MACROD1: variants seen among roughly 807,000 people sequenced by gnomAD.
MACROD1 encodes ADP-ribose glycohydrolase MACROD1.
In MACROD1, 31 loss-of-function variants were observed where a neutral mutation model predicts 41.4. That is an observed-to-expected ratio of 0.75 (90% CI 0.56 to 1.01). The LOEUF is 1.01. MACROD1 is among the 50% of genes least tolerant of loss of function. MACROD1 has a pLI of 0.00. For synonymous variants in MACROD1, 252 were observed against 203.4 expected (o/e 1.24, Z -2.03); for missense variants, 473 against 460.0 (o/e 1.03, Z -0.26).
intron 3 of MACROD1, among the ~76,000 whole-genome samples, chr11:64,016,148 C>CA (rs35361842): frequency 0.3 from 45,762 of 152,134 alleles, 8,001 homozygotes; most frequent in Non-Finnish European, 0.4. Context: ...CTGTCTGTCT[C>CA]AGTCTGTCCG....
At chr11:64,113,658 G>A (rs181304363) in intron 3 of MACROD1, among the ~76,000 whole-genome samples, 2 of 149,682 alleles carry the variant, frequency 1.3e-5, no homozygotes, top group East Asian at 4.0e-4. Context: ...TGGGCAGACA[G>A]GTGGATGCAT....
chr11:64,143,394 G>A (rs919494431), intron 3 of MACROD1, among the ~76,000 whole-genome samples: 4 of 152,096 alleles, frequency 2.6e-5, no homozygotes, highest in African/African-American at 4.8e-5. Context: ...CGTGTGCAGC[G>A]TGTTGAGCAG....
intron 3 of MACROD1, among the ~76,000 whole-genome samples, chr11:64,068,253 C>G (rs1944041677): frequency 6.6e-6 from 1 of 152,222 alleles, no homozygotes; most frequent in South Asian, 2.1e-4. Context: ...CCCCTTCAGT[C>G]CCAGGCATTG....
intron 3 of MACROD1, among the ~76,000 whole-genome samples, chr11:64,140,734 C>A (rs976894429): frequency 6.6e-6 from 1 of 152,238 alleles, no homozygotes; most frequent in African/African-American, 2.4e-5. Context: ...CCCTGTTTTA[C>A]AGACAAGAAA....
intron 4 of MACROD1, among the ~76,000 whole-genome samples, chr11:64,006,734 C>T (rs1942919351): frequency 1.3e-5 from 2 of 152,188 alleles, no homozygotes; most frequent in African/African-American, 4.8e-5. Context: ...GTCCCAGCCT[C>T]CCTCTTACAC....
chr11:64,060,146 G>C (rs1305136027), intron 3 of MACROD1, among the ~76,000 whole-genome samples: 1 of 152,274 alleles, frequency 6.6e-6, no homozygotes, highest in Non-Finnish European at 1.5e-5. Flanking sequence ...GTTCTGTCAA[G>C]TGAATGAATA....
chr11:64,001,480 CCTT>C (rs1268451034), intron 4 of MACROD1: 2 of 702,456 alleles, frequency 2.8e-6, no homozygotes, highest in Non-Finnish European at 5.2e-6. Context: ...GCCACCTTCT[CCTT>C]CATCACCTCA....
At position 64,101,607 on chromosome 11, in the gene MACROD1, C is replaced by G. The variant is rs1455111362; in HGVS notation, c.517+49632G>C. Among the ~76,000 whole-genome samples, 10 of 152,300 alleles carry G rather than the reference C, an allele frequency of 6.6e-5. No individual in the cohort carries two copies. The East Asian group carries it at 1.9e-3, about 29-fold the overall frequency. ...TGACCTCACTGGACTTTTTCCATCTCTCGCTTTCATGGAGAAATTACAATT... is the reference window on the plus strand; with the variant it reads ...TGACCTCACTGGACTTTTTCCATCTGTCGCTTTCATGGAGAAATTACAATT... On this transcript the variant is annotated intron_variant, in intron 3 of 10. Coordinates refer to ENST00000255681, the MANE Select transcript of MACROD1 (RefSeq NM_014067.4).
intron 3 of MACROD1, among the ~76,000 whole-genome samples, chr11:64,084,762 A>C (rs746295528): frequency 1.3e-5 from 2 of 152,196 alleles, no homozygotes; most frequent in African/African-American, 4.8e-5. Flanking sequence ...TGGTGACCCC[A>C]GCATTCTCCC....
intron 3 of MACROD1, among the ~76,000 whole-genome samples, chr11:64,101,524 C>T (rs1229818918): frequency 1.3e-5 from 2 of 152,204 alleles, no homozygotes; most frequent in Admixed American, 6.5e-5. Context: ...AGGCCCGCTG[C>T]CCCTGCCCCA....
intron 3 of MACROD1, among the ~76,000 whole-genome samples, chr11:64,124,973 C>A (rs970599046): frequency 6.6e-6 from 1 of 152,254 alleles, no homozygotes; most frequent in Non-Finnish European, 1.5e-5. Context: ...AGCCACCGTG[C>A]CCGGCCAAAG....
chr11:64,100,803 G>A (rs1944657828), intron 3 of MACROD1, among the ~76,000 whole-genome samples: 2 of 152,176 alleles, frequency 1.3e-5, no homozygotes, highest in South Asian at 4.1e-4. Context: ...AGACGCTGAG[G>A]AGCCCAGTAT....
intron 3 of MACROD1, among the ~76,000 whole-genome samples, chr11:64,049,546 T>C (rs1022081475): frequency 6.6e-6 from 1 of 152,210 alleles, no homozygotes; most frequent in Non-Finnish European, 1.5e-5. Context: ...CCAAGCGGTC[T>C]TGGTCTCCGA....
intron 3 of MACROD1, among the ~76,000 whole-genome samples, chr11:64,032,953 C>T (rs984413645): frequency 6.6e-6 from 1 of 150,878 alleles, no homozygotes; most frequent in Non-Finnish European, 1.5e-5. Flanking sequence ...CAGCTTCTGT[C>T]CCCCACTCTA....
chr11:64,074,415 G>A (rs369707181), intron 3 of MACROD1, among the ~76,000 whole-genome samples: 4 of 152,224 alleles, frequency 2.6e-5, no homozygotes, highest in Non-Finnish European at 5.9e-5. Flanking sequence ...CTCCAGGGGT[G>A]TGGTCCACCC....
chr11:64,156,429 T>A (rs1371069390), intron 1 of MACROD1, among the ~76,000 whole-genome samples: 2 of 152,108 alleles, frequency 1.3e-5, no homozygotes, highest in South Asian at 2.1e-4. Context: ...CTGGCGGGAC[T>A]GGTGGGCTGG....
intron 5 of MACROD1, 138 bp from the exon 6 acceptor site, chr11:63,999,901 ACCCC>A: frequency 3.9e-6 from 4 of 1,034,456 alleles, no homozygotes; most frequent in Non-Finnish European, 5.5e-6. Flanking sequence ...GAAGGCCCCC[ACCCC>A]TGTGGGCCCC....
intron 3 of MACROD1, among the ~76,000 whole-genome samples, chr11:64,148,185 C>T (rs1200614645): frequency 6.6e-6 from 1 of 152,142 alleles, no homozygotes; most frequent in East Asian, 1.9e-4. Flanking sequence ...AAGAGAGATG[C>T]CCACAGCCTG....
At chr11:64,015,657 G>A (rs1158082928) in intron 3 of MACROD1, among the ~76,000 whole-genome samples, 1 of 152,322 alleles carries the variant, frequency 6.6e-6, no homozygotes, top group East Asian at 1.9e-4. Context: ...GTGCAGAGAT[G>A]TGGGGAGGAA....
Sources: gnomAD v4.1 joint callset for allele counts (sites outside exome capture counted in the v4.1 genomes callset) on GRCh38, gnomAD v4.1.1 for gene constraint, MANE v1.5 for transcripts, NCBI Gene and HGNC (gene_info 2026-07-23, HGNC 2026-07-21) for gene names.